Variants in SIL1 observed in about 807,000 individuals in gnomAD.
SIL1 encodes nucleotide exchange factor SIL1.
Under a neutral mutation model 49.1 loss-of-function variants are expected in SIL1, and 40 were observed. The ratio of observed to expected loss-of-function variants is 0.81; its 90% CI spans 0.63 to 1.06. The LOEUF (loss-of-function observed/expected upper bound fraction) is 1.06. Ranked by LOEUF, SIL1 falls within the 50% of genes least tolerant of loss-of-function variation. SIL1 has a pLI of 0.00. For synonymous variants in SIL1, 253 were observed against 250.8 expected, an observed-to-expected ratio of 1.01 and a Z score of -0.08; for missense variants, 500 against 572.6, an observed-to-expected ratio of 0.87 and a Z score of 1.29.
intron 7 of SIL1, among the ~76,000 whole-genome samples, chr5:138,974,982 T>C (rs1204742037): frequency 1.3e-5 from 2 of 152,224 alleles, no homozygotes; most frequent in East Asian, 3.8e-4. Context: ...ACAAGCTGTA[T>C]GTCCATCCAT....
At chr5:139,084,970 A>G (rs964087134) in intron 3 of SIL1, among the ~76,000 whole-genome samples, 22 of 152,330 alleles carry the variant, frequency 1.4e-4, no homozygotes, top group African/African-American at 5.1e-4. Context: ...CATACCATAC[A>G]TACTGTTGTG....
At chr5:139,079,764 C>T (rs1174196352) in intron 3 of SIL1, among the ~76,000 whole-genome samples, 2 of 152,230 alleles carry the variant, frequency 1.3e-5, no homozygotes, top group Admixed American at 6.5e-5. Context: ...AAGAAAATCA[C>T]TTCACAACCA....
At chr5:138,949,798 CAAAAAAAAAAAAAA>C in intron 9 of SIL1, among the ~76,000 whole-genome samples, 1 of 83,378 alleles carries the variant, frequency 1.2e-5, no homozygotes, top group Non-Finnish European at 2.6e-5. Flanking sequence ...GACCCTGTCT[CAAAAAAAAAAAAAA>C]AAAAGAAAAA....
intron 7 of SIL1, among the ~76,000 whole-genome samples, chr5:138,963,782 G>A (rs1321624631): frequency 2.0e-5 from 3 of 152,214 alleles, no homozygotes; most frequent in East Asian, 1.9e-4. Flanking sequence ...CCAGGCTCCC[G>A]GTTTTCCGTG....
chr5:139,122,132 C>G (rs1750653620), intron 2 of SIL1, among the ~76,000 whole-genome samples: 1 of 152,088 alleles, frequency 6.6e-6, no homozygotes, highest in Non-Finnish European at 1.5e-5. Context: ...TCTCTGCTTC[C>G]CAATCCCTCC....
Position 138,948,881 on chromosome 5 carries a change from C to T in SIL1, c.1030-1408G>A, listed in dbSNP as rs1442203290. 2.6e-5 allele frequency among the ~76,000 whole-genome samples: 4 copies of T among 152,270 alleles called. No individual in the cohort carries two copies. The highest frequency in any genetic ancestry group is 4.2e-4 in the South Asian group (2 of 4,818). Reference sequence around the variant, plus strand: ...AAGCCCGGCCCAGCATGCTTTTTTCCGCAAGTGCTCTTGCCCTCTCACCTT... The same window carrying T: ...AAGCCCGGCCCAGCATGCTTTTTTCTGCAAGTGCTCTTGCCCTCTCACCTT... On this transcript the variant is annotated intron_variant, in intron 9 of 9. Transcript: ENST00000394817. This position sits in a 1 kb window ranked among gnomAD's most constrained non-coding sequence, Gnocchi z 4.8.
intron 3 of SIL1, among the ~76,000 whole-genome samples, chr5:139,100,993 G>A (rs991920687): frequency 2.6e-5 from 4 of 151,752 alleles, no homozygotes; most frequent in African/African-American, 7.3e-5. Flanking sequence ...AGTCACCAAC[G>A]CCTTAAGTGT....
At chr5:139,031,832 G>A (rs909340819) in intron 5 of SIL1, among the ~76,000 whole-genome samples, 3 of 152,132 alleles carry the variant, frequency 2.0e-5, no homozygotes, top group Admixed American at 6.5e-5. Flanking sequence ...TCTTATATCT[G>A]TCTTGTTAGA....
intron 3 of SIL1, among the ~76,000 whole-genome samples, chr5:139,077,749 G>C (rs1769983500): frequency 6.6e-6 from 1 of 152,190 alleles, no homozygotes; most frequent in Non-Finnish European, 1.5e-5. Flanking sequence ...GTATCAAAAA[G>C]ACACTTGATA....
intron 7 of SIL1, among the ~76,000 whole-genome samples, chr5:139,012,175 T>C (rs1768290356): frequency 6.6e-6 from 1 of 152,138 alleles, no homozygotes; most frequent in Admixed American, 6.5e-5. Context: ...ACCTCAGCCT[T>C]CTGAGTAGCT....
intron 3 of SIL1, among the ~76,000 whole-genome samples, chr5:139,057,314 T>TTAAAAAAAAAAAAAAAA (rs781049621): frequency 0.045 from 3,182 of 70,772 alleles, 497 homozygotes; most frequent in Middle Eastern, 0.082. Context: ...GAATGATCAA[T>TTAAAAAAAAAAAAAAAA]AAAAAAAAAA....
intron 3 of SIL1, among the ~76,000 whole-genome samples, chr5:139,062,212 T>C (rs1299590315): frequency 2.0e-5 from 3 of 152,174 alleles, no homozygotes; most frequent in African/African-American, 7.2e-5. Flanking sequence ...TTAATGTTAT[T>C]GTGTTTTTAA....
intron 3 of SIL1, among the ~76,000 whole-genome samples, chr5:139,053,648 G>A (rs970808650): frequency 6.6e-6 from 1 of 152,112 alleles, no homozygotes; most frequent in African/African-American, 2.4e-5. Context: ...TAGGCACACT[G>A]GTCTTTTTCC....
chr5:139,046,720 T>A (rs1440217003), intron 4 of SIL1, among the ~76,000 whole-genome samples: 1 of 152,350 alleles, frequency 6.6e-6, no homozygotes, highest in African/African-American at 2.4e-5. Context: ...GTCTTCTCTC[T>A]AGTCAAGCTA....
intron 1 of SIL1, among the ~76,000 whole-genome samples, chr5:139,194,730 G>A (rs934492967): frequency 3.9e-5 from 6 of 152,142 alleles, no homozygotes; most frequent in Admixed American, 1.3e-4. Context: ...CATTGTAAGA[G>A]AGTTCAGATT....
intron 2 of SIL1, among the ~76,000 whole-genome samples, chr5:139,124,056 C>T (rs1166142524): frequency 6.6e-6 from 1 of 152,040 alleles, no homozygotes. Flanking sequence ...AGCCTCAATC[C>T]TTGTTTCAGT....
At chr5:138,994,522 A>T (rs1339012076) in intron 7 of SIL1, among the ~76,000 whole-genome samples, 1 of 152,240 alleles carries the variant, frequency 6.6e-6, no homozygotes, top group African/African-American at 2.4e-5. Flanking sequence ...AAATATGTTA[A>T]TTCTCATAAA....
intron 7 of SIL1, among the ~76,000 whole-genome samples, chr5:138,981,143 G>A (rs1031025126): frequency 2.0e-4 from 30 of 151,486 alleles, no homozygotes; most frequent in Non-Finnish European, 2.2e-4. Flanking sequence ...AACCCAGGTG[G>A]CGGAGGTTGC....
intron 3 of SIL1, among the ~76,000 whole-genome samples, chr5:139,099,311 C>A (rs961750541): frequency 2.6e-5 from 4 of 152,068 alleles, no homozygotes; most frequent in Non-Finnish European, 4.4e-5. Flanking sequence ...AAAAAGGGAA[C>A]CCTCATACAC....
Sources: gnomAD v4.1 joint callset for allele counts (sites outside exome capture counted in the v4.1 genomes callset) on GRCh38, gnomAD v4.1.1 for gene constraint, Gnocchi (gnomAD v3.1) non-coding constraint, MANE v1.5 for transcripts, NCBI Gene and HGNC (gene_info 2026-07-23, HGNC 2026-07-21) for gene names.